HVCN1: variants seen among roughly 807,000 people sequenced by gnomAD.
HVCN1 encodes the protein voltage-gated hydrogen channel 1.
HVCN1 carries 14 observed loss-of-function variants against 29.2 expected under a neutral mutation model. That is an observed-to-expected ratio of 0.48 (90% CI 0.32 to 0.75). HVCN1 has a LOEUF of 0.75. HVCN1 is among the 30% of genes least tolerant of loss of function. The pLI, the probability that HVCN1 is intolerant of heterozygous loss-of-function variation, is 0.04. For missense variants in HVCN1, 263 were observed against 341.8 expected (o/e 0.77, Z 1.82); for synonymous variants, 131 against 133.2 (o/e 0.98, Z 0.11).
Position 110,678,832 on chromosome 12 carries a change from G to C in HVCN1, c.21+4393C>G, listed in dbSNP as rs147890390. ...CCAATGCGTTGAGTTTAAAGACACA[G>C]TTTTGGGGGGACACGCTTTGCCTAT... On this transcript the variant is annotated intron_variant, in intron 3 of 7. Coordinates refer to ENST00000242607, the MANE Select transcript of HVCN1 (RefSeq NM_032369.4). Among the ~76,000 whole-genome samples, 1,038 of 152,308 alleles carry C rather than the reference G, an allele frequency of 6.8e-3. 1 individual carries two copies. The highest frequency in any genetic ancestry group is 9.3e-3 in the Non-Finnish European group (633 of 68,022).
intron 1 of HVCN1, among the ~76,000 whole-genome samples, chr12:110,702,922 G>A (rs972485751): frequency 6.6e-6 from 1 of 152,142 alleles, no homozygotes; most frequent in African/African-American, 2.4e-5. Flanking sequence ...CCAAAGTGCT[G>A]GGATTACAGG....
Position 110,649,413 on chromosome 12 carries a change from G to C in HVCN1, c.819C>G (p.Asn273Lys). ...LRQHGLLGEV[N>K] ...TTTGAGGGGAGCTGGTCCGGGTCTA[G>C]TTCACTTCACCAAGAAGTCCATGCT... The change falls in exon 8 of 8, where the codon AAC (asparagine) becomes AAG (lysine). Residue 273 changes from asparagine (N) to lysine (K), a missense_variant. Asn to Lys is a moderately conservative substitution (Grantham distance 94). This residue lies in a region of HVCN1 where 51 missense variants were observed against 51.1 expected (regional missense o/e 1.00). Coordinates refer to ENST00000242607, the MANE Select transcript of HVCN1 (RefSeq NM_032369.4). The C allele has an allele frequency of 6.2e-7, 1 of 1,607,860 alleles. No individual in the cohort carries two copies. The highest frequency in any genetic ancestry group is 8.5e-7 in the Non-Finnish European group (1 of 1,175,788).
At chr12:110,681,235 T>C (rs571621815) in intron 3 of HVCN1, among the ~76,000 whole-genome samples, 1 of 152,326 alleles carries the variant, frequency 6.6e-6, no homozygotes, top group South Asian at 2.1e-4. Context: ...TCATAGTACA[T>C]AAAATAAGGT....
intron 2 of HVCN1, among the ~76,000 whole-genome samples, chr12:110,695,058 A>G (rs2069468006): frequency 6.6e-6 from 1 of 152,142 alleles, no homozygotes; most frequent in African/African-American, 2.4e-5. Flanking sequence ...CCCTCATTAA[A>G]CTTAGTCTAT....
chr12:110,661,511 C>T lies in HVCN1; in HGVS notation c.22-63G>A. The T allele has an allele frequency of 6.6e-7, 1 of 1,506,782 alleles. No individual in the cohort carries two copies. The highest frequency in any genetic ancestry group is 1.8e-5 in the Admixed American group (1 of 54,414). 93.3% of individuals were successfully genotyped at this position (1,506,782 alleles called of 1,614,324 possible). Reference sequence around the variant, plus strand: ...TTGGCCACTCAGAGCCCACATGGCCCAGGCCGGGCCAGGCCACTGCAGGTG... The same window carrying T: ...TTGGCCACTCAGAGCCCACATGGCCTAGGCCGGGCCAGGCCACTGCAGGTG... On this transcript the variant is annotated intron_variant, in intron 3 of 7. Transcript: ENST00000242607. This position sits in a 1 kb window ranked among gnomAD's most constrained non-coding sequence, Gnocchi z 6.2.
intron 3 of HVCN1, among the ~76,000 whole-genome samples, chr12:110,665,813 C>T (rs527312978): frequency 1.3e-5 from 2 of 151,870 alleles, no homozygotes; most frequent in Admixed American, 6.6e-5. Context: ...TCAAGACCAG[C>T]CTGACCAATG....
intron 2 of HVCN1, among the ~76,000 whole-genome samples, chr12:110,686,118 C>A (rs1488692345): frequency 6.6e-6 from 1 of 152,076 alleles, no homozygotes; most frequent in Non-Finnish European, 1.5e-5. Flanking sequence ...CCTGCTTCAG[C>A]CTCCTGAGTA....
At chr12:110,703,950 A>G (rs530846552) in intron 1 of HVCN1, among the ~76,000 whole-genome samples, 4 of 152,060 alleles carry the variant, frequency 2.6e-5, no homozygotes, top group Non-Finnish European at 5.9e-5. Context: ...CTCCCAAAGT[A>G]CTGGGATTAC....
intron 2 of HVCN1, among the ~76,000 whole-genome samples, chr12:110,695,492 G>C (rs1229962334): frequency 1.3e-5 from 2 of 152,080 alleles, no homozygotes; most frequent in East Asian, 3.9e-4. Context: ...GGAGGTCAAG[G>C]CTGCAGTGAG....
chr12:110,683,503 A>G (rs1472464495), intron 2 of HVCN1, among the ~76,000 whole-genome samples: 1 of 152,242 alleles, frequency 6.6e-6, no homozygotes, highest in Non-Finnish European at 1.5e-5. Flanking sequence ...ATAGGCTTTC[A>G]CAGCATTATT....
intron 3 of HVCN1, among the ~76,000 whole-genome samples, chr12:110,677,012 T>C (rs2068770696): frequency 6.6e-6 from 1 of 152,088 alleles, no homozygotes; most frequent in Non-Finnish European, 1.5e-5. Context: ...AAGACCAGCC[T>C]GGGCAACAGA....
upstream of HVCN1, among the ~76,000 whole-genome samples, chr12:110,691,125 C>T (rs1027089685): frequency 2.6e-5 from 4 of 151,072 alleles, no homozygotes; most frequent in South Asian, 4.2e-4. Context: ...TGCAGTGGCG[C>T]GACCTCGGCT....
chr12:110,660,073 A>G (rs1454471288), intron 4 of HVCN1, among the ~76,000 whole-genome samples: 1 of 148,476 alleles, frequency 6.7e-6, no homozygotes, highest in Admixed American at 6.8e-5. Context: ...CAATCAATCA[A>G]TCAATCAATG....
Position 110,704,137 on chromosome 12 carries a change from C to T in HVCN1, c.-229+738G>A, listed in dbSNP as rs2069586249. ...GCCTAAGTATGGGCCAGGATATTCC[C>T]TCTGGCATGATTTATAGTAGCAAAC... On this transcript the variant is annotated intron_variant, in intron 1 of 4. Transcript: ENST00000546713. Among the ~76,000 whole-genome samples, 3 of 152,222 alleles carry T rather than the reference C, an allele frequency of 2.0e-5. No homozygotes were observed. In the South Asian group the frequency reaches 6.2e-4, roughly 32 times the overall value.
At chr12:110,687,657 T>G (rs1052307005) in intron 2 of HVCN1, among the ~76,000 whole-genome samples, 3 of 151,510 alleles carry the variant, frequency 2.0e-5, no homozygotes, top group African/African-American at 7.3e-5. Flanking sequence ...AGGGTGGAAG[T>G]AGGGGGTGGA....
chr12:110,695,035 C>T (rs1032146856), intron 2 of HVCN1, among the ~76,000 whole-genome samples: 1 of 152,220 alleles, frequency 6.6e-6, no homozygotes, highest in South Asian at 2.1e-4. Context: ...GTAAGACAGG[C>T]AGGTCCTGCC....
At chr12:110,655,425 G>A (rs1018726268) in intron 4 of HVCN1, 87 bp from the exon 5 acceptor site, 14 of 1,023,870 alleles carry the variant, frequency 1.4e-5, no homozygotes, top group East Asian at 7.4e-5. Context: ...TTGGAAGCAC[G>A]TGGGTGAAAC....
chr12:110,650,327 C>CA, intron 6 of HVCN1, 47 bp from the exon 7 acceptor site: 1 of 1,209,472 alleles, frequency 8.3e-7, no homozygotes, highest in Non-Finnish European at 1.2e-6. Context: ...CTAACTTAAC[C>CA]ACTCAGGAAA....
At chr12:110,703,429 A>T (rs1018821119) in intron 1 of HVCN1, among the ~76,000 whole-genome samples, 32 of 151,972 alleles carry the variant, frequency 2.1e-4, no homozygotes, top group African/African-American at 7.2e-4. Flanking sequence ...AAAAAAATTT[A>T]AAAAATCATC....
Sources: gnomAD v4.1 joint callset for allele counts (sites outside exome capture counted in the v4.1 genomes callset) on GRCh38, gnomAD v4.1.1 for gene constraint, gnomAD v4.1.1 regional missense constraint, Gnocchi (gnomAD v3.1) non-coding constraint, MANE v1.5 for transcripts, NCBI Gene and HGNC (gene_info 2026-07-23, HGNC 2026-07-21) for gene names.